Variants in GLI2 observed in about 807,000 individuals in gnomAD.
The protein encoded by GLI2 is transcription activator GLI2.
A neutral mutation model predicts 78.9 loss-of-function variants in GLI2; 22 were observed. That is an observed-to-expected ratio of 0.28 (90% confidence interval 0.20 to 0.40). The LOEUF (loss-of-function observed/expected upper bound fraction) is 0.40, where lower values mean the gene tolerates loss of function less well. GLI2 is among the 10% of genes least tolerant of loss of function. GLI2 has a pLI of 1.00. For missense variants in GLI2, 2,097 were observed against 2,213.2 expected (o/e 0.95, Z 1.05); for synonymous variants, 974 against 963.7 (o/e 1.01, Z -0.20).
intron 5 of GLI2, among the ~76,000 whole-genome samples, chr2:120,960,297 G>A (rs1204424009): frequency 2.0e-5 from 3 of 152,158 alleles, no homozygotes; most frequent in Non-Finnish European, 2.9e-5. Flanking sequence ...GGTCCCAGAG[G>A]AGGGAGCACT....
At chr2:120,847,645 G>T (rs536741904) in intron 2 of GLI2, among the ~76,000 whole-genome samples, 1 of 151,554 alleles carries the variant, frequency 6.6e-6, no homozygotes, top group South Asian at 2.1e-4. Flanking sequence ...ATGGATTGGG[G>T]GATTGGATTG....
At chr2:120,819,100 T>A (rs1685642626) in intron 2 of GLI2, among the ~76,000 whole-genome samples, 1 of 152,196 alleles carries the variant, frequency 6.6e-6, no homozygotes, top group South Asian at 2.1e-4. Flanking sequence ...CAGGGGCTTC[T>A]TGGCTCTTGT....
rs564475460 is a variant in GLI2, at chr2:120,904,709, C to A, written c.149-22652C>A. On this transcript the variant is annotated intron_variant, in intron 2 of 13. Coordinates refer to ENST00000361492, the MANE Select transcript of GLI2 (RefSeq NM_001374353.1). ...TAAAACGCTGGTGCCCTGGAGCCAC[C>A]CCAGAGAGTCTGCTTCTGTACTGGG... Among the ~76,000 whole-genome samples the A allele has an allele frequency of 2.6e-5, 4 of 152,314 alleles. No homozygotes were observed. The South Asian group carries it at 6.2e-4, about 24-fold the overall frequency.
intron 9 of GLI2, among the ~76,000 whole-genome samples, chr2:120,977,039 C>T (rs1432283016): frequency 2.0e-5 from 3 of 152,188 alleles, no homozygotes; most frequent in African/African-American, 7.2e-5. Flanking sequence ...AAGTTCAAAG[C>T]GCTGGAGATT....
At chr2:120,903,105 C>T (rs958781952) in intron 2 of GLI2, among the ~76,000 whole-genome samples, 5 of 152,000 alleles carry the variant, frequency 3.3e-5, no homozygotes, top group African/African-American at 1.2e-4. Context: ...CAATTCAGGG[C>T]CGGGCGCAGT....
At chr2:120,952,242 A>G (rs1200133161) in intron 4 of GLI2, among the ~76,000 whole-genome samples, 1 of 152,204 alleles carries the variant, frequency 6.6e-6, no homozygotes, top group Non-Finnish European at 1.5e-5. Context: ...CATTGTCCCC[A>G]TCCTTGAAAG....
chr2:120,988,926 G>T lies in GLI2; in HGVS notation c.2961G>T (p.Arg987Ser). The T allele has an allele frequency of 6.6e-7, 1 of 1,523,698 alleles. No individual in the cohort carries two copies. Among genetic ancestry groups the T allele is most frequent in the Non-Finnish European group, 8.8e-7 (1 of 1,139,358 alleles). The allele number at this position is 1,523,698 out of a possible 1,614,324, so 94.4% of individuals were successfully genotyped here. ...NPGPLPPCAD[R>S]RGLRLQSHPS... ...GCCCGCTGCCGCCCTGTGCCGACAG[G>T]CGAGGCCTCCGCCTGCAGAGCCACC... The change falls in exon 14 of 14, where the codon AGG becomes AGT. Residue 987 changes from arginine to serine, a missense_variant. Physicochemically the swap from Arg to Ser is moderately radical, Grantham distance 110. This residue lies in a region of GLI2 where 1,290 missense variants were observed against 1,261.7 expected (regional missense o/e 1.02). Coordinates refer to ENST00000361492, the MANE Select transcript of GLI2 (RefSeq NM_001374353.1).
intron 2 of GLI2, among the ~76,000 whole-genome samples, chr2:120,806,158 G>T (rs76201712): frequency 6.6e-6 from 1 of 152,128 alleles, no homozygotes. Flanking sequence ...ACTTGGGAGG[G>T]GGGGAAAGAG....
At chr2:120,903,813 C>G (rs1678382899) in intron 2 of GLI2, among the ~76,000 whole-genome samples, 1 of 152,176 alleles carries the variant, frequency 6.6e-6, no homozygotes, top group Non-Finnish European at 1.5e-5. Flanking sequence ...TGTTCTGCCC[C>G]TCTTTCCTGC....
chr2:120,904,834 A>T lies in GLI2; in HGVS notation c.149-22527A>T, dbSNP rs115145754. The stretch of plus-strand genomic sequence containing the variant: ...AATAAAGGAGGTGAGGTGGGGGTGG[A>T]TGATGTCTCTCCCAACTCTATTGGC... On this transcript the variant is annotated intron_variant, in intron 2 of 13. Transcript: ENST00000361492. Among the ~76,000 whole-genome samples the T allele has an allele frequency of 7.7e-3, 1,169 of 152,226 alleles. 13 individuals are homozygous for T. The highest frequency in any genetic ancestry group is 0.027 in the African/African-American group (1,119 of 41,538).
At position 120,797,309 on chromosome 2, in the gene GLI2, T is replaced by C. The variant is rs751083795; in HGVS notation, c.-12T>C. ...CTTTTAGGATTGCCACCCAGGACGATGAGCGGCTGAGATGGAGACGTCTGC... is the reference window on the plus strand; with the variant it reads ...CTTTTAGGATTGCCACCCAGGACGACGAGCGGCTGAGATGGAGACGTCTGC... On this transcript the variant is annotated 5_prime_UTR_variant, in exon 2 of 14. An upstream start codon of the reference 5' UTR is lost. Coordinates refer to ENST00000361492, the MANE Select transcript of GLI2 (RefSeq NM_001374353.1). The C allele has an allele frequency of 6.2e-6, 10 of 1,613,770 alleles. No individual in the cohort carries two copies. The Admixed American group carries it at 1.7e-4, about 27-fold the overall frequency.
At chr2:120,817,868 G>A (rs1028396582) in intron 2 of GLI2, among the ~76,000 whole-genome samples, 2 of 152,252 alleles carry the variant, frequency 1.3e-5, no homozygotes, top group South Asian at 2.1e-4. Flanking sequence ...AGACCCGGCC[G>A]GCCTGAGAAC....
At chr2:120,828,679 A>G (rs1224774848) in intron 2 of GLI2, among the ~76,000 whole-genome samples, 1 of 152,210 alleles carries the variant, frequency 6.6e-6, no homozygotes, top group Admixed American at 6.5e-5. Context: ...TATTAATTAC[A>G]GCCAAATCCG....
intron 1 of GLI2, among the ~76,000 whole-genome samples, chr2:120,784,444 C>CA (rs1238765015): frequency 6.6e-6 from 1 of 151,560 alleles, no homozygotes; most frequent in Admixed American, 6.6e-5. Flanking sequence ...CTGGGGGTTG[C>CA]AGGCTTCTAG....
chr2:120,887,219 A>T (rs1677455451), intron 2 of GLI2, among the ~76,000 whole-genome samples: 1 of 152,066 alleles, frequency 6.6e-6, no homozygotes, highest in Admixed American at 6.5e-5. Flanking sequence ...CGCCCACAAG[A>T]TCCCCCAGCC....
intron 2 of GLI2, among the ~76,000 whole-genome samples, chr2:120,812,884 C>A (rs1317111243): frequency 6.6e-6 from 1 of 152,178 alleles, no homozygotes; most frequent in Non-Finnish European, 1.5e-5. Flanking sequence ...GGGGATGCTT[C>A]ACAGCAGTGA....
At chr2:120,897,154 A>G (rs1008937534) in intron 2 of GLI2, among the ~76,000 whole-genome samples, 2 of 152,174 alleles carry the variant, frequency 1.3e-5, no homozygotes, top group African/African-American at 4.8e-5. Context: ...CGCCCTCTCC[A>G]TCACAAATGT....
chr2:120,748,021 G>T (rs2104628782), intron 1 of GLI2, among the ~76,000 whole-genome samples: 1 of 152,198 alleles, frequency 6.6e-6, no homozygotes, highest in East Asian at 1.9e-4. Context: ...TTGCTAACTT[G>T]GTTACGGAGC....
chr2:120,974,339 G>A (rs923108316), intron 8 of GLI2, among the ~76,000 whole-genome samples: 8 of 152,136 alleles, frequency 5.3e-5, no homozygotes, highest in Admixed American at 3.3e-4. Flanking sequence ...GGGTAGGGAT[G>A]GTCTTGTGGG....
Sources: gnomAD v4.1 joint callset for allele counts (sites outside exome capture counted in the v4.1 genomes callset) on GRCh38, gnomAD v4.1.1 for gene constraint, gnomAD v4.1.1 regional missense constraint, MANE v1.5 for transcripts, NCBI Gene and HGNC (gene_info 2026-07-23, HGNC 2026-07-21) for gene names.